Variants in TBCE observed in about 807,000 individuals in gnomAD.
The protein encoded by TBCE is tubulin folding cofactor E, also known as tubulin-specific chaperone E.
Under a neutral mutation model 77.0 loss-of-function variants are expected in TBCE, and 53 were observed. The observed-to-expected ratio is 0.69, with a 90% CI of 0.55 to 0.87. The LOEUF (loss-of-function observed/expected upper bound fraction) is 0.87, where lower values mean the gene tolerates loss of function less well. Among genes scored for constraint, TBCE ranks in the 40% least tolerant of loss-of-function variants. The probability of loss-of-function intolerance (pLI) is 0.00; values close to 1 mark genes in which losing one functional copy is unlikely to be tolerated. For synonymous variants in TBCE, 235 were observed against 241.3 expected (o/e 0.97, Z 0.24); for missense variants, 624 against 622.4 (o/e 1.00, Z -0.03).
chr1:235,403,993 A>T (rs1679268269), intron 3 of TBCE, among the ~76,000 whole-genome samples: 1 of 152,120 alleles, frequency 6.6e-6, no homozygotes, highest in Non-Finnish European at 1.5e-5. Context: ...AAAAATAAAA[A>T]ATTGGCCGGG....
At chr1:235,437,179 T>C (rs1681515891) in intron 11 of TBCE, 143 bp from the exon 12 acceptor site, 1 of 951,320 alleles carries the variant, frequency 1.1e-6, no homozygotes. Context: ...ATGTGGTCTT[T>C]CTAGAGGGGA....
chr1:235,431,897 C>G (rs923521174), intron 7 of TBCE, among the ~76,000 whole-genome samples: 3 of 151,006 alleles, frequency 2.0e-5, no homozygotes, highest in African/African-American at 7.3e-5. Context: ...GTCTCGAACT[C>G]CTGACTTCAG....
intron 4 of TBCE, 53 bp downstream of exon 4, chr1:235,414,671 A>C (rs1680015620): frequency 1.3e-6 from 2 of 1,570,940 alleles, no homozygotes; most frequent in Non-Finnish European, 1.7e-6. Flanking sequence ...ATTAAGGTTC[A>C]GAATTGAAAT....
intron 8 of TBCE, 41 bp downstream of exon 8, chr1:235,434,321 C>T (rs369704410): frequency 4.7e-5 from 71 of 1,512,832 alleles, no homozygotes; most frequent in Admixed American, 2.8e-4. Flanking sequence ...CCCATTTAAT[C>T]ATCATTCTGA....
intron 3 of TBCE, among the ~76,000 whole-genome samples, chr1:235,403,833 C>A (rs780779332): frequency 6.6e-6 from 1 of 152,136 alleles, no homozygotes; most frequent in Admixed American, 6.6e-5. Flanking sequence ...AACAAACCTG[C>A]GTGGTGTAGC....
intron 2 of TBCE, among the ~76,000 whole-genome samples, chr1:235,388,228 G>A (rs1216856070): frequency 6.6e-6 from 1 of 151,144 alleles, no homozygotes; most frequent in East Asian, 1.9e-4. Context: ...TTATATAGCA[G>A]AGCTGGGATT....
intron 1 of TBCE, among the ~76,000 whole-genome samples, chr1:235,369,847 A>G (rs1676800434): frequency 6.6e-6 from 1 of 150,798 alleles, no homozygotes; most frequent in East Asian, 1.9e-4. Context: ...AAAAAAAAAA[A>G]GCCGAAGTCT....
chr1:235,387,273 C>T (rs1678070980), intron 2 of TBCE, among the ~76,000 whole-genome samples: 1 of 152,192 alleles, frequency 6.6e-6, no homozygotes, highest in African/African-American at 2.4e-5. Flanking sequence ...AGGAGGCAGT[C>T]TGCCTGTTCT....
chr1:235,393,486 C>T lies in TBCE; in HGVS notation c.101-8017C>T, dbSNP rs189699113. ...CCAGGAGGTGGAGGTTGCGGTGAGC[C>T]GAGATGGCGCCACTGCACTCCAGCC... On this transcript the variant is annotated intron_variant, in intron 2 of 16. Transcript: ENST00000642610. 5.5e-3 allele frequency among the ~76,000 whole-genome samples: 836 copies of T among 152,044 alleles called. 8 individuals carry two copies. Among genetic ancestry groups the T allele is most frequent in the African/African-American group, 0.02 (811 of 41,462 alleles).
In TBCE at chr1:235,380,119, C is replaced by G. The variant is rs750637765; in HGVS notation, c.70C>G (p.Arg24Gly). 6.2e-7 allele frequency: 1 copy of G among 1,607,408 alleles called. No individual in the cohort carries two copies. The change falls in exon 2 of 17, where the codon CGT (arginine) becomes GGT (glycine). Residue 24 changes from arginine (R) to glycine (G), a missense_variant. Arg to Gly is a moderately radical substitution (Grantham distance 125). Coordinates refer to ENST00000642610, the MANE Select transcript of TBCE (RefSeq NM_003193.5). Reference sequence around the variant, plus strand: ...AGTTAATGGAGAACATGCAACAGTACGTTTTGCTGGTGTTGTCCCTCCCGT... The same window carrying G: ...AGTTAATGGAGAACATGCAACAGTAGGTTTTGCTGGTGTTGTCCCTCCCGT... ...VEVNGEHATVRFAGVVPPVAG... is the reference protein window; with the variant it reads ...VEVNGEHATVGFAGVVPPVAG...
intron 2 of TBCE, among the ~76,000 whole-genome samples, chr1:235,391,337 T>A (rs113379117): frequency 9.2e-5 from 14 of 151,676 alleles, no homozygotes; most frequent in African/African-American, 3.4e-4. Context: ...CAAAAAAAAT[T>A]AGCTGGGTGT....
intron 14 of TBCE, 144 bp from the exon 15 acceptor site, chr1:235,442,708 A>G: frequency 1.4e-6 from 1 of 726,062 alleles, no homozygotes; most frequent in Non-Finnish European, 2.4e-6. Context: ...TGGAAGGATT[A>G]ATAGAAAGAA....
At chr1:235,378,731 T>C (rs1677443691) in intron 1 of TBCE, among the ~76,000 whole-genome samples, 1 of 152,072 alleles carries the variant, frequency 6.6e-6, no homozygotes, top group African/African-American at 2.4e-5. Context: ...CGTGGTGGCG[T>C]GTGCCTGTAA....
intron 3 of TBCE, among the ~76,000 whole-genome samples, chr1:235,402,488 A>G (rs1679172874): frequency 6.6e-6 from 1 of 152,074 alleles, no homozygotes; most frequent in African/African-American, 2.4e-5. Flanking sequence ...GTTGTTGTTG[A>G]TTTTTATTAG....
At chr1:235,419,312 C>G in intron 4 of TBCE, 161 bp from the exon 5 acceptor site, 1 of 1,091,602 alleles carries the variant, frequency 9.2e-7, no homozygotes, top group Non-Finnish European at 1.3e-6. Context: ...TGCTCTTTTT[C>G]TTTTTTGTAA....
Position 235,451,475 on chromosome 1 carries a change from A to C in TBCE, c.*2713A>C, listed in dbSNP as rs1409719453. On this transcript the variant is annotated 3_prime_UTR_variant, in exon 17 of 17. Coordinates refer to ENST00000642610, the MANE Select transcript of TBCE (RefSeq NM_003193.5). ...TTCCAAAGACATGAGATGGTCACAA[A>C]AAAAAAAAAAAAAAAAAGACCGCAT... 2 of 149,034 alleles carry C rather than the reference A, an allele frequency of 1.3e-5. No individual in the cohort carries two copies. The highest frequency in any genetic ancestry group is 3.0e-5 in the Non-Finnish European group (2 of 66,580). The allele number at this position is 149,034 out of a possible 1,614,324, so 9.2% of individuals were successfully genotyped here.
intron 5 of TBCE, among the ~76,000 whole-genome samples, chr1:235,426,925 C>CGT: frequency 6.6e-6 from 1 of 152,318 alleles, no homozygotes; most frequent in African/African-American, 2.4e-5. Context: ...GGATTACAGG[C>CGT]GTGAGCCACC....
chr1:235,370,280 T>A (rs182898436), intron 1 of TBCE, among the ~76,000 whole-genome samples: 3 of 148,778 alleles, frequency 2.0e-5, no homozygotes, highest in Non-Finnish European at 4.4e-5. Context: ...CTGAGACGGA[T>A]TCTTGCTCTG....
At chr1:235,446,444 T>C (rs1682308720) in intron 15 of TBCE, among the ~76,000 whole-genome samples, 1 of 152,076 alleles carries the variant, frequency 6.6e-6, no homozygotes, top group Non-Finnish European at 1.5e-5. Context: ...CCCAAAGTGT[T>C]GGGATTACAG....
Sources: gnomAD v4.1 joint callset for allele counts (sites outside exome capture counted in the v4.1 genomes callset) on GRCh38, gnomAD v4.1.1 for gene constraint, MANE v1.5 for transcripts, NCBI Gene and HGNC (gene_info 2026-07-23, HGNC 2026-07-21) for gene names.